Variants in IPO11 observed in about 807,000 individuals in gnomAD.
The protein encoded by IPO11 is importin-11.
In IPO11, 66 loss-of-function variants were observed where a neutral mutation model predicts 143.2. The ratio of observed to expected loss-of-function variants is 0.46; its 90% CI spans 0.38 to 0.57. The LOEUF is 0.57. Ranked by LOEUF, IPO11 falls within the 20% of genes least tolerant of loss-of-function variation. The pLI, the probability that IPO11 is intolerant of heterozygous loss-of-function variation, is 0.00. For synonymous variants in IPO11, 385 were observed against 377.8 expected (o/e 1.02, Z -0.22); for missense variants, 1,026 against 1,141.0 (o/e 0.90, Z 1.45).
At chr5:62,511,468 G>A (rs1310101149) in intron 19 of IPO11, among the ~76,000 whole-genome samples, 1 of 151,690 alleles carries the variant, frequency 6.6e-6, no homozygotes, top group Non-Finnish European at 1.5e-5. Flanking sequence ...TGATAAATAT[G>A]TTAAAATAAG....
chr5:62,558,306 A>G (rs1240381014), intron 26 of IPO11, among the ~76,000 whole-genome samples: 3 of 152,258 alleles, frequency 2.0e-5, no homozygotes, highest in African/African-American at 4.8e-5. Flanking sequence ...TAAACTATCA[A>G]TAATAAGCTA....
intron 29 of IPO11, among the ~76,000 whole-genome samples, chr5:62,608,284 A>G (rs754471684): frequency 6.6e-6 from 1 of 152,180 alleles, no homozygotes; most frequent in Non-Finnish European, 1.5e-5. Flanking sequence ...CTAGAGTACC[A>G]TATTCTTTGC....
chr5:62,420,687 C>G (rs566198739), intron 1 of IPO11, among the ~76,000 whole-genome samples: 13 of 151,708 alleles, frequency 8.6e-5, no homozygotes, highest in Non-Finnish European at 1.8e-4. Context: ...TCAGGTGATT[C>G]TCCCATCTCA....
At chr5:62,508,559 T>C (rs1741641750) in intron 19 of IPO11, among the ~76,000 whole-genome samples, 1 of 151,894 alleles carries the variant, frequency 6.6e-6, no homozygotes, top group African/African-American at 2.4e-5. Flanking sequence ...TTCTTTCTTC[T>C]TTCTTCTTCT....
chr5:62,510,324 GATCAACACTTATAT>G (rs1218639020), intron 19 of IPO11, among the ~76,000 whole-genome samples: 1 of 151,972 alleles, frequency 6.6e-6, no homozygotes, highest in Non-Finnish European at 1.5e-5. Context: ...TTATAAAATA[GATCAACACTTATAT>G]ATCCTTCACT....
At chr5:62,618,936 A>G (rs1746244377) in intron 29 of IPO11, among the ~76,000 whole-genome samples, 1 of 152,118 alleles carries the variant, frequency 6.6e-6, no homozygotes, top group African/African-American at 2.4e-5. Context: ...TTCATTTAAT[A>G]TTACTAATGA....
At chr5:62,597,856 C>T (rs945855004) in intron 28 of IPO11, among the ~76,000 whole-genome samples, 1 of 152,162 alleles carries the variant, frequency 6.6e-6, no homozygotes, top group Non-Finnish European at 1.5e-5. Flanking sequence ...TTCTGATACA[C>T]TAATGACTGT....
intron 20 of IPO11, among the ~76,000 whole-genome samples, chr5:62,518,957 G>A (rs1742119774): frequency 6.6e-6 from 1 of 152,164 alleles, no homozygotes; most frequent in South Asian, 2.1e-4. Context: ...GGGAAATACT[G>A]AATAAGTGTG....
intron 19 of IPO11, among the ~76,000 whole-genome samples, chr5:62,508,955 C>T (rs1387453787): frequency 6.6e-6 from 1 of 152,122 alleles, no homozygotes; most frequent in Non-Finnish European, 1.5e-5. Context: ...ACTATGCAGC[C>T]ATAAAGAAGG....
intron 2 of IPO11, among the ~76,000 whole-genome samples, chr5:62,441,142 C>A (rs1056787038): frequency 6.6e-6 from 1 of 152,026 alleles, no homozygotes; most frequent in Admixed American, 6.6e-5. Context: ...ATAATGCATA[C>A]TTTTTTTGAG....
At chr5:62,515,590 G>T (rs1366257057) in intron 20 of IPO11, 89 bp downstream of exon 20, 4 of 705,472 alleles carry the variant, frequency 5.7e-6, no homozygotes, top group South Asian at 3.0e-5. Flanking sequence ...TGTGATTTAT[G>T]TTAATGGTAG....
At chr5:62,432,481 T>C (rs1018192572) in intron 1 of IPO11, among the ~76,000 whole-genome samples, 3 of 152,216 alleles carry the variant, frequency 2.0e-5, no homozygotes, top group African/African-American at 7.2e-5. Context: ...TGTTCTTGGC[T>C]GTTATGTCCC....
At chr5:62,450,875 CT>C (rs1744897529) in intron 4 of IPO11, among the ~76,000 whole-genome samples, 1 of 151,872 alleles carries the variant, frequency 6.6e-6, no homozygotes, top group Admixed American at 6.6e-5. Flanking sequence ...CTTGGTTATG[CT>C]TGATTTTTTA....
intron 1 of IPO11, among the ~76,000 whole-genome samples, chr5:62,433,521 A>T (rs965075781): frequency 6.6e-6 from 1 of 152,200 alleles, no homozygotes; most frequent in African/African-American, 2.4e-5. Context: ...CTCTCACCCC[A>T]GTAGCCCACA....
At chr5:62,439,313 G>T (rs139973320) in intron 2 of IPO11, among the ~76,000 whole-genome samples, 3 of 106,452 alleles carry the variant, frequency 2.8e-5, no homozygotes, top group Admixed American at 1.3e-4. Flanking sequence ...TTTTTGAGAC[G>T]TCTCGCTCTG....
At chr5:62,542,307 ATCCTAAATAT>A (rs1412785891) in intron 24 of IPO11, among the ~76,000 whole-genome samples, 3 of 152,130 alleles carry the variant, frequency 2.0e-5, no homozygotes, top group African/African-American at 7.2e-5. Flanking sequence ...TGGATGTTAA[ATCCTAAATAT>A]GTTCATTATG....
chr5:62,551,295 T>C lies in IPO11; in HGVS notation c.2419T>C (p.Ser807Pro), dbSNP rs763881482. Reference protein sequence around the residue: ...RVLLQNTSFFSSLLNEMAHKF... With the variant: ...RVLLQNTSFFPSLLNEMAHKF... The stretch of plus-strand genomic sequence containing the variant: ...TCTACTACAAAACACTAGTTTTTTT[T>C]CTTCACTACTTAATGAGATGGCCCA... Residue 807 changes from serine to proline, a missense_variant, in exon 26 of 30, where the codon TCT (serine) becomes CCT (proline). This residue lies in a region of IPO11 where 351 missense variants were observed against 358.9 expected (regional missense o/e 0.98). Transcript: ENST00000325324. 4.4e-6 allele frequency: 7 copies of C among 1,608,708 alleles called. No individual in the cohort carries two copies. Among genetic ancestry groups the C allele is most frequent in the South Asian group, 2.2e-5 (2 of 90,852 alleles).
At chr5:62,598,043 C>A (rs951133837) in intron 28 of IPO11, among the ~76,000 whole-genome samples, 5 of 152,172 alleles carry the variant, frequency 3.3e-5, no homozygotes, top group African/African-American at 1.2e-4. Flanking sequence ...GATAAGTAAT[C>A]TTCTTCCTTA....
At chr5:62,416,726 T>A (rs1043174912) in intron 1 of IPO11, among the ~76,000 whole-genome samples, 4 of 151,594 alleles carry the variant, frequency 2.6e-5, no homozygotes, top group African/African-American at 4.8e-5. Context: ...TTTTTTTTTT[T>A]TTATTTTTTT....
Sources: allele counts gnomAD v4.1 joint callset (sites outside exome capture counted in the v4.1 genomes callset), GRCh38; gene constraint gnomAD v4.1.1; regional missense constraint gnomAD v4.1.1; transcripts MANE v1.5; gene names NCBI Gene and HGNC (gene_info 2026-07-23, HGNC 2026-07-21).